Variants in OPCML observed in about 807,000 individuals in gnomAD.
OPCML encodes opioid binding protein/cell adhesion molecule like, also known as opioid-binding protein/cell adhesion molecule.
OPCML carries 13 observed loss-of-function variants against 37.8 expected under a neutral mutation model. The observed-to-expected ratio is 0.34, with a 90% CI of 0.22 to 0.55. OPCML has a LOEUF of 0.55. OPCML is among the 20% of genes least tolerant of loss of function. The probability of loss-of-function intolerance (pLI) is 0.91; values close to 1 mark genes in which losing one functional copy is unlikely to be tolerated. For synonymous variants in OPCML, 176 were observed against 168.8 expected, an observed-to-expected ratio of 1.04 and a Z score of -0.33; for missense variants, 341 against 435.6, an observed-to-expected ratio of 0.78 and a Z score of 1.93.
chr11:132,590,867 A>T (rs1213675393), intron 3 of OPCML, among the ~76,000 whole-genome samples: 1 of 152,130 alleles, frequency 6.6e-6, no homozygotes, highest in Non-Finnish European at 1.5e-5. Context: ...AATTTATCTG[A>T]CAGCTTGCCA....
At chr11:133,491,468 AG>A (rs1947656444) in intron 1 of OPCML, among the ~76,000 whole-genome samples, 2 of 152,172 alleles carry the variant, frequency 1.3e-5, no homozygotes, top group African/African-American at 4.8e-5. Flanking sequence ...GTGTGGTTAT[AG>A]TTTGGCTCCT....
rs76238703 is a variant in OPCML, at chr11:133,060,131, T to A, written c.62-117121A>T. On this transcript the variant is annotated intron_variant, in intron 1 of 7. Coordinates refer to ENST00000524381, the MANE Select transcript of OPCML (RefSeq NM_001012393.5). ...AAAAAATGGAATTAGAATAAAGGAT[T>A]TTTTAGGTCACTTCCAAATCTTATT... 3.8e-3 allele frequency among the ~76,000 whole-genome samples: 576 copies of A among 152,138 alleles called. 2 individuals are homozygous for A. The highest frequency in any genetic ancestry group is 0.013 in the African/African-American group (548 of 41,494).
intron 1 of OPCML, chr11:133,066,384 C>G (rs1187812594): frequency 1.3e-5 from 2 of 152,272 alleles, no homozygotes; most frequent in Non-Finnish European, 2.9e-5. Context: ...CCAACCTCCC[C>G]TTTCATAGAA....
intron 2 of OPCML, among the ~76,000 whole-genome samples, chr11:132,761,590 G>C (rs1946268965): frequency 6.6e-6 from 1 of 151,848 alleles, no homozygotes; most frequent in African/African-American, 2.4e-5. Context: ...TCTTCTGCTT[G>C]ATCGATTCAG....
chr11:132,875,153 C>T (rs1227836632), intron 2 of OPCML, among the ~76,000 whole-genome samples: 4 of 152,114 alleles, frequency 2.6e-5, no homozygotes, highest in Non-Finnish European at 5.9e-5. Context: ...TAATAATTTG[C>T]TTCATGTAAA....
intron 2 of OPCML, among the ~76,000 whole-genome samples, chr11:132,807,952 T>C (rs191985603): frequency 6.8e-4 from 103 of 152,358 alleles, no homozygotes; most frequent in Non-Finnish European, 7.9e-4. Flanking sequence ...GATATTACAA[T>C]GAAAGAAATC....
chr11:133,052,456 G>T (rs1484570166), intron 1 of OPCML, among the ~76,000 whole-genome samples: 1 of 152,202 alleles, frequency 6.6e-6, no homozygotes. Flanking sequence ...TGGGCAGAAT[G>T]CTGGGAAGCA....
intron 2 of OPCML, among the ~76,000 whole-genome samples, chr11:132,832,291 G>T (rs1940739456): frequency 6.9e-6 from 1 of 145,228 alleles, no homozygotes; most frequent in Admixed American, 6.9e-5. Context: ...AGAACGAACA[G>T]TCCAAAGTAA....
intron 1 of OPCML, among the ~76,000 whole-genome samples, chr11:133,196,971 T>C (rs2136312009): frequency 6.6e-6 from 1 of 152,298 alleles, no homozygotes; most frequent in African/African-American, 2.4e-5. Flanking sequence ...AAAGACAGGG[T>C]GCAGAGACCG....
At chr11:133,292,717 A>G (rs1361282386) in intron 1 of OPCML, among the ~76,000 whole-genome samples, 1 of 152,188 alleles carries the variant, frequency 6.6e-6, no homozygotes, top group African/African-American at 2.4e-5. Context: ...ACCTTATTGC[A>G]TTCTGCTAGA....
intron 1 of OPCML, among the ~76,000 whole-genome samples, chr11:133,088,436 C>T (rs899606553): frequency 7.9e-5 from 12 of 152,320 alleles, no homozygotes; most frequent in African/African-American, 2.6e-4. Context: ...AATGCCATTC[C>T]CTTCAAAACA....
At chr11:132,663,726 C>A (rs1021842027) in intron 2 of OPCML, among the ~76,000 whole-genome samples, 1 of 152,198 alleles carries the variant, frequency 6.6e-6, no homozygotes, top group African/African-American at 2.4e-5. Flanking sequence ...AGGAGAACTT[C>A]GTTATCACAG....
At chr11:132,841,411 C>T (rs978735763) in intron 2 of OPCML, among the ~76,000 whole-genome samples, 1 of 152,090 alleles carries the variant, frequency 6.6e-6, no homozygotes, top group Admixed American at 6.5e-5. Flanking sequence ...GATCTCTAGC[C>T]CACTGTAGAG....
At chr11:132,711,189 G>C (rs911848447) in intron 2 of OPCML, among the ~76,000 whole-genome samples, 25 of 152,148 alleles carry the variant, frequency 1.6e-4, no homozygotes, top group Admixed American at 1.5e-3. Context: ...TTAAAAGTAA[G>C]CCCTTCTCTT....
chr11:133,247,540 T>TTCTCTTTCTTTCTTTC (rs1555122386), intron 1 of OPCML, among the ~76,000 whole-genome samples: 62 of 122,456 alleles, frequency 5.1e-4, no homozygotes, highest in Non-Finnish European at 8.1e-5. Flanking sequence ...CTTTCCTTCT[T>TTCTCTTTCTTTCTTTC]TTTCTTTCTT....
intron 1 of OPCML, among the ~76,000 whole-genome samples, chr11:133,178,420 G>T (rs1937654661): frequency 6.6e-6 from 1 of 151,778 alleles, no homozygotes; most frequent in African/African-American, 2.4e-5. Flanking sequence ...CGATCTGGAA[G>T]GTCACTTTTC....
intron 2 of OPCML, among the ~76,000 whole-genome samples, chr11:132,707,334 A>G (rs1043217650): frequency 6.6e-6 from 1 of 152,310 alleles, no homozygotes; most frequent in African/African-American, 2.4e-5. Flanking sequence ...CCAGCAGACC[A>G]CAGGAGATCC....
intron 2 of OPCML, among the ~76,000 whole-genome samples, chr11:132,877,004 G>A (rs1428683935): frequency 6.6e-6 from 1 of 152,194 alleles, no homozygotes; most frequent in East Asian, 1.9e-4. Flanking sequence ...GTCCTTGTGG[G>A]GAAAGAAAGC....
At chr11:132,893,967 A>ATC (rs1199625269) in intron 2 of OPCML, among the ~76,000 whole-genome samples, 1 of 152,170 alleles carries the variant, frequency 6.6e-6, no homozygotes, top group Non-Finnish European at 1.5e-5. Context: ...GCGTCTTTAC[A>ATC]TCACACACAC....
Sources: allele counts gnomAD v4.1 joint callset (sites outside exome capture counted in the v4.1 genomes callset), GRCh38; gene constraint gnomAD v4.1.1; transcripts MANE v1.5; gene names NCBI Gene and HGNC (gene_info 2026-07-23, HGNC 2026-07-21).